PLPPR1: variants seen among roughly 807,000 people sequenced by gnomAD.
PLPPR1 encodes the protein phospholipid phosphatase-related protein type 1.
A neutral mutation model predicts 33.1 loss-of-function variants in PLPPR1; 10 were observed. The ratio of observed to expected loss-of-function variants is 0.30; its 90% confidence interval spans 0.19 to 0.51. The LOEUF is 0.51. Among genes scored for constraint, PLPPR1 ranks in the 20% least tolerant of loss-of-function variants. The probability of loss-of-function intolerance (pLI) is 0.97; values close to 1 mark genes in which losing one functional copy is unlikely to be tolerated. For synonymous variants in PLPPR1, 151 were observed against 151.0 expected (o/e 1.00, Z 0.00); for missense variants, 304 against 408.1 (o/e 0.74, Z 2.20).
intron 1 of PLPPR1, among the ~76,000 whole-genome samples, chr9:101,144,105 C>T (rs931025418): frequency 4.6e-5 from 7 of 152,126 alleles, no homozygotes; most frequent in Non-Finnish European, 1.0e-4. Context: ...GATGAGTTCA[C>T]GTCCTTTGTA....
chr9:101,112,265 G>T (rs1012780451), intron 1 of PLPPR1, among the ~76,000 whole-genome samples: 18 of 152,104 alleles, frequency 1.2e-4, no homozygotes, highest in African/African-American at 4.3e-4. Flanking sequence ...ATACATATAT[G>T]TATTTATATT....
chr9:101,030,387 A>T (rs1829930531), intron 1 of PLPPR1, among the ~76,000 whole-genome samples: 1 of 150,812 alleles, frequency 6.6e-6, no homozygotes, highest in Non-Finnish European at 1.5e-5. Context: ...TTCTGCTTGT[A>T]TGGTTGGCAG....
intron 1 of PLPPR1, among the ~76,000 whole-genome samples, chr9:101,165,462 G>T (rs1261674861): frequency 1.3e-5 from 2 of 152,172 alleles, no homozygotes; most frequent in African/African-American, 4.8e-5. Flanking sequence ...AAAGCAAAGA[G>T]AAAATAAAGG....
intron 4 of PLPPR1, among the ~76,000 whole-genome samples, chr9:101,302,411 G>A (rs1444289650): frequency 2.0e-5 from 3 of 152,172 alleles, no homozygotes; most frequent in Non-Finnish European, 4.4e-5. Flanking sequence ...GCATGTTAAT[G>A]AGAAAGCATT....
intron 1 of PLPPR1, among the ~76,000 whole-genome samples, chr9:101,078,099 AAGG>A (rs1830563039): frequency 4.1e-5 from 2 of 48,812 alleles, no homozygotes; most frequent in African/African-American, 1.7e-4. Context: ...GGAGAAGGAG[AAGG>A]AGAAGAAGAA....
At chr9:101,176,210 C>T (rs1307676723) in intron 1 of PLPPR1, among the ~76,000 whole-genome samples, 1 of 152,176 alleles carries the variant, frequency 6.6e-6, no homozygotes, top group Non-Finnish European at 1.5e-5. Flanking sequence ...AAAACTGAGG[C>T]CCCACCTCCA....
At chr9:101,100,121 C>T (rs556056121) in intron 1 of PLPPR1, among the ~76,000 whole-genome samples, 3 of 151,508 alleles carry the variant, frequency 2.0e-5, no homozygotes, top group African/African-American at 4.8e-5. Flanking sequence ...TTTTTTCTTA[C>T]GTGCAATATT....
chr9:101,181,196 A>AT lies in PLPPR1; in HGVS notation c.-45-4252dup, dbSNP rs569053919. Among the ~76,000 whole-genome samples, 813 of 147,300 alleles carry AT rather than the reference A, an allele frequency of 5.5e-3. 8 individuals carry two copies. The highest frequency in any genetic ancestry group is 0.019 in the African/African-American group (751 of 40,586). ...TATATATATTTATAAATTTATATAT[A>AT]TTATATGTATATATATATTCTCATC... is the stretch of plus-strand genomic sequence containing the variant. On this transcript the variant is annotated intron_variant, in intron 1 of 7. Transcript: ENST00000374874.
At chr9:101,094,583 T>C (rs932317681) in intron 1 of PLPPR1, among the ~76,000 whole-genome samples, 5 of 152,158 alleles carry the variant, frequency 3.3e-5, no homozygotes, top group Non-Finnish European at 7.4e-5. Flanking sequence ...CCCTCAAAAC[T>C]AAAACATGCA....
intron 2 of PLPPR1, among the ~76,000 whole-genome samples, chr9:101,252,165 TAAA>T (rs1265099217): frequency 6.6e-6 from 1 of 151,998 alleles, no homozygotes; most frequent in Non-Finnish European, 1.5e-5. Context: ...AAAAGTGAAA[TAAA>T]AAAATTCCAT....
At chr9:101,147,350 C>T (rs985283574) in intron 1 of PLPPR1, among the ~76,000 whole-genome samples, 1 of 152,104 alleles carries the variant, frequency 6.6e-6, no homozygotes, top group African/African-American at 2.4e-5. Context: ...CTTATGAAGG[C>T]ACCTATTTCT....
At chr9:101,164,119 T>C (rs1825813706) in intron 1 of PLPPR1, among the ~76,000 whole-genome samples, 1 of 152,152 alleles carries the variant, frequency 6.6e-6, no homozygotes, top group South Asian at 2.1e-4. Context: ...ACTTCCTTTT[T>C]TTTAAATTAT....
At position 101,043,803 on chromosome 9, in the gene PLPPR1, A is replaced by G. The variant is rs181840330; in HGVS notation, c.-46+14701A>G. On this transcript the variant is annotated intron_variant, in intron 1 of 7. Transcript: ENST00000374874. ...CCCTTTTCACCGCATGCACCCCAAC[A>G]TCTATTTTTTTCTTTATTATTTTTT... 1.3e-3 allele frequency among the ~76,000 whole-genome samples: 201 copies of G among 151,854 alleles called. 1 individual carries two copies. Among genetic ancestry groups the G allele is most frequent in the African/African-American group, 4.6e-3 (189 of 41,484 alleles).
intron 4 of PLPPR1, among the ~76,000 whole-genome samples, chr9:101,289,440 AG>A (rs1050490472): frequency 9.2e-5 from 14 of 152,342 alleles, no homozygotes; most frequent in Non-Finnish European, 1.3e-4. Flanking sequence ...CCTGGTACAT[AG>A]GTTGCCAAAA....
chr9:101,259,744 T>C (rs1041511069), intron 2 of PLPPR1, among the ~76,000 whole-genome samples: 2 of 152,152 alleles, frequency 1.3e-5, no homozygotes, highest in Non-Finnish European at 2.9e-5. Context: ...AAGTTGTACA[T>C]TGGTTCAGTC....
chr9:101,261,399 G>A (rs1007757949), intron 2 of PLPPR1, among the ~76,000 whole-genome samples: 3 of 152,140 alleles, frequency 2.0e-5, no homozygotes, highest in Non-Finnish European at 2.9e-5. Flanking sequence ...CTCAATATTA[G>A]TTGAATGACT....
chr9:101,068,925 G>C (rs1830450802), intron 1 of PLPPR1, among the ~76,000 whole-genome samples: 1 of 152,086 alleles, frequency 6.6e-6, no homozygotes, highest in Non-Finnish European at 1.5e-5. Flanking sequence ...TAGAATTACT[G>C]TCCATTATCC....
chr9:101,101,141 C>T (rs1341968915), intron 1 of PLPPR1, among the ~76,000 whole-genome samples: 1 of 151,942 alleles, frequency 6.6e-6, no homozygotes, highest in Middle Eastern at 3.2e-3. Context: ...CATTCTTTAC[C>T]AATGGTTCTT....
At chr9:101,219,962 C>T (rs938716619) in intron 2 of PLPPR1, among the ~76,000 whole-genome samples, 27 of 152,162 alleles carry the variant, frequency 1.8e-4, no homozygotes, top group Non-Finnish European at 3.4e-4. Context: ...TTTTTCATTT[C>T]CCCATAGTAT....
Sources: allele counts gnomAD v4.1 joint callset (sites outside exome capture counted in the v4.1 genomes callset), GRCh38; gene constraint gnomAD v4.1.1; transcripts MANE v1.5; gene names NCBI Gene and HGNC (gene_info 2026-07-23, HGNC 2026-07-21).